The following PRDM11 variants were observed in gnomAD, a reference collection of about 807,000 sequenced individuals.
PRDM11 encodes PR/SET domain 11, also known as PR domain-containing protein 11.
In PRDM11, 20 loss-of-function variants were observed where a neutral mutation model predicts 97.8. The observed-to-expected ratio is 0.20, with a 90% confidence interval of 0.14 to 0.30. The LOEUF is 0.30. Among genes scored for constraint, PRDM11 ranks in the 10% least tolerant of loss-of-function variants. The pLI is 1.00. For synonymous variants in PRDM11, 599 were observed against 637.7 expected, an observed-to-expected ratio of 0.94 and a Z score of 0.91; for missense variants, 1,139 against 1,555.2, an observed-to-expected ratio of 0.73 and a Z score of 4.50.
intron 5 of PRDM11, among the ~76,000 whole-genome samples, chr11:45,207,939 C>A (rs2863167): frequency 0.71 from 108,452 of 152,070 alleles, 40,966 homozygotes; most frequent in Non-Finnish European, 0.85. Context: ...TGGATTTTTT[C>A]ACCTTTTATC....
chr11:45,220,903 T>G (rs1031459623), intron 6 of PRDM11, among the ~76,000 whole-genome samples: 19 of 152,104 alleles, frequency 1.2e-4, no homozygotes, highest in African/African-American at 3.1e-4. Flanking sequence ...AGGGTGTTTT[T>G]TTTGTTTGTT....
chr11:45,128,571 A>C (rs1852642799), intron 1 of PRDM11, among the ~76,000 whole-genome samples: 1 of 149,596 alleles, frequency 6.7e-6, no homozygotes, highest in Non-Finnish European at 1.5e-5. Flanking sequence ...ACTTAGATTA[A>C]ATGAACAAAT....
chr11:45,157,408 G>C (rs1447413083), intron 1 of PRDM11, among the ~76,000 whole-genome samples: 1 of 152,138 alleles, frequency 6.6e-6, no homozygotes, highest in Admixed American at 6.5e-5. Context: ...CCTGTGATCT[G>C]ACAGGAGGCA....
chr11:45,168,491 G>T (rs1852123554), intron 1 of PRDM11, among the ~76,000 whole-genome samples: 2 of 152,164 alleles, frequency 1.3e-5, no homozygotes, highest in Admixed American at 1.3e-4. Context: ...GCTGGCGGTG[G>T]GTTCCTGTCT....
intron 1 of PRDM11, among the ~76,000 whole-genome samples, chr11:45,098,157 C>G (rs1161303185): frequency 6.6e-6 from 1 of 152,220 alleles, no homozygotes; most frequent in Non-Finnish European, 1.5e-5. Flanking sequence ...GTGACTAGCA[C>G]CACAGCTGAT....
intron 1 of PRDM11, among the ~76,000 whole-genome samples, chr11:45,148,740 C>G (rs557122024): frequency 4.3e-4 from 65 of 152,258 alleles, no homozygotes; most frequent in African/African-American, 1.5e-3. Context: ...AGGATTTCTC[C>G]TATTTGGATC....
chr11:45,231,877 A>G lies in PRDM11; in HGVS notation c.*3718A>G, dbSNP rs888337325. ...ATTTAATTTTTCTAATGACTGGCCTATGACACCTTGTGATGCTAGGCACAT... is the reference window on the plus strand; with the variant it reads ...ATTTAATTTTTCTAATGACTGGCCTGTGACACCTTGTGATGCTAGGCACAT... On this transcript the variant is annotated 3_prime_UTR_variant, in exon 8 of 8. Coordinates refer to ENST00000683152, the MANE Select transcript of PRDM11 (RefSeq NM_001384648.1). The G allele has an allele frequency of 5.3e-5, 8 of 152,082 alleles. No homozygotes were observed. Among genetic ancestry groups the G allele is most frequent in the African/African-American group, 1.7e-4 (7 of 41,414 alleles). 9.4% of individuals were successfully genotyped at this position (152,082 alleles called of 1,614,324 possible).
At position 45,226,659 on chromosome 11, in the gene PRDM11, T is replaced by G. The variant is rs1854282052; in HGVS notation, c.2034T>G (p.Val678=). 1.3e-6 allele frequency: 2 copies of G among 1,533,886 alleles called. No homozygotes were observed. The highest frequency in any genetic ancestry group is 4.9e-5 in the East Asian group (2 of 40,898). The change falls in exon 8 of 8, where the codon GTT becomes GTG. Residue 678 remains valine (V), a synonymous_variant. Transcript: ENST00000683152. ...DLLADTVAVY[V]QYTSSDGPPA... ...TGGCCGACACGGTGGCTGTCTATGT[T>G]CAGTACACCAGCAGTGATGGGCCCC...
Position 45,185,491 on chromosome 11 carries a change from G to A in PRDM11, c.486+2368G>A, listed in dbSNP as rs376333130. ...TGGAGGAGAAAGATAAGAGTGAGGT[G>A]GGAGGGTGTGTGGTCAAGAGAGTTT... On this transcript the variant is annotated intron_variant, in intron 4 of 7. Coordinates refer to ENST00000683152, the MANE Select transcript of PRDM11 (RefSeq NM_001384648.1). Among the ~76,000 whole-genome samples, 8 of 152,268 alleles carry A rather than the reference G, an allele frequency of 5.3e-5. No individual in the cohort carries two copies. In the South Asian group the frequency reaches 8.3e-4, roughly 16 times the overall value.
chr11:45,144,307 G>A (rs564731567), upstream of PRDM11, among the ~76,000 whole-genome samples: 5 of 152,268 alleles, frequency 3.3e-5, no homozygotes, highest in African/African-American at 9.6e-5. Context: ...GGATCACACC[G>A]CATCTCTTTG....
At chr11:45,119,642 AAAAAAAAC>A (rs1202755980) in intron 1 of PRDM11, among the ~76,000 whole-genome samples, 7 of 147,436 alleles carry the variant, frequency 4.7e-5, no homozygotes, top group African/African-American at 1.8e-4. Flanking sequence ...AAAAAAAAAA[AAAAAAAAC>A]ACCTGGTAAG....
intron 1 of PRDM11, among the ~76,000 whole-genome samples, chr11:45,126,514 T>C (rs2135638267): frequency 6.6e-6 from 1 of 152,164 alleles, no homozygotes; most frequent in East Asian, 1.9e-4. Context: ...CTTCAGGAGC[T>C]CTTTTACGGC....
intron 1 of PRDM11, among the ~76,000 whole-genome samples, chr11:45,171,732 A>G (rs1189737679): frequency 6.6e-6 from 1 of 152,134 alleles, no homozygotes; most frequent in African/African-American, 2.4e-5. Flanking sequence ...GGTGACAGAA[A>G]CCCTGTTGCA....
chr11:45,095,844 C>A, exon 1 of PRDM11: 1 of 777,918 alleles, frequency 1.3e-6, no homozygotes, highest in Non-Finnish European at 2.4e-6. Context: ...CCCTGATGAT[C>A]GTGGAGTGCC....
intron 1 of PRDM11, among the ~76,000 whole-genome samples, chr11:45,158,990 C>A (rs1168059953): frequency 6.6e-6 from 1 of 152,190 alleles, no homozygotes; most frequent in Admixed American, 6.5e-5. Flanking sequence ...TCCTTGAGCC[C>A]CCCCTTCCTA....
intron 1 of PRDM11, among the ~76,000 whole-genome samples, chr11:45,106,295 C>T (rs1241342855): frequency 1.3e-5 from 2 of 152,126 alleles, no homozygotes; most frequent in African/African-American, 2.4e-5. Context: ...CAGGCTCCCT[C>T]GCAAGCCACA....
intron 1 of PRDM11, among the ~76,000 whole-genome samples, chr11:45,107,235 C>G (rs953933426): frequency 3.9e-5 from 6 of 152,180 alleles, no homozygotes; most frequent in Admixed American, 2.6e-4. Context: ...TCCAGATGCT[C>G]TGCTCAGCCC....
At chr11:45,124,597 C>A (rs1467359708) in intron 1 of PRDM11, among the ~76,000 whole-genome samples, 5 of 152,166 alleles carry the variant, frequency 3.3e-5, no homozygotes, top group Non-Finnish European at 7.3e-5. Flanking sequence ...TTGAGATAAT[C>A]ATGTGGTTTT....
chr11:45,159,170 A>T (rs978841687), intron 1 of PRDM11, among the ~76,000 whole-genome samples: 1 of 152,188 alleles, frequency 6.6e-6, no homozygotes, highest in African/African-American at 2.4e-5. Flanking sequence ...CAGGCCCAGG[A>T]CAGTGGCCAA....
Sources: gnomAD v4.1 joint callset for allele counts (sites outside exome capture counted in the v4.1 genomes callset) on GRCh38, gnomAD v4.1.1 for gene constraint, MANE v1.5 for transcripts, NCBI Gene and HGNC (gene_info 2026-07-23, HGNC 2026-07-21) for gene names.